The following UTP6 variants were observed in gnomAD, a reference collection of about 807,000 sequenced individuals.
UTP6 encodes UTP6 small subunit processome component, also known as U3 small nucleolar RNA-associated protein 6 homolog.
A neutral mutation model predicts 96.5 loss-of-function variants in UTP6; 60 were observed. That is an observed-to-expected ratio of 0.62 (90% CI 0.51 to 0.77). The LOEUF (loss-of-function observed/expected upper bound fraction) is 0.77, where lower values mean the gene tolerates loss of function less well. UTP6 is among the 30% of genes least tolerant of loss of function. The pLI is 0.00. For missense variants in UTP6, 637 were observed against 706.5 expected, an observed-to-expected ratio of 0.90 and a Z score of 1.12; for synonymous variants, 215 against 240.1, an observed-to-expected ratio of 0.90 and a Z score of 0.96.
Position 31,894,734 on chromosome 17 carries a change from T to G in UTP6, c.223A>C (p.Ile75Leu). The change falls in exon 4 of 19, where the codon ATT becomes CTT. Residue 75 changes from isoleucine (I) to leucine (L), a missense_variant. Physicochemically the swap from Ile to Leu is conservative, Grantham distance 5. Coordinates refer to ENST00000261708, the MANE Select transcript of UTP6 (RefSeq NM_018428.3). ...TCATCCTTCTTAAATGAATATCCAA[T>G]GCGCTAAAGGGGGACATAAAAAAAC... Reference protein sequence around the residue: ...LELIQRRRTRIGYSFKKDEIE... With the variant: ...LELIQRRRTRLGYSFKKDEIE... 1 of 1,608,260 alleles carries G rather than the reference T, an allele frequency of 6.2e-7. No individual in the cohort carries two copies. Among genetic ancestry groups the G allele is most frequent in the Non-Finnish European group, 8.5e-7 (1 of 1,176,544 alleles).
chr17:31,900,142 CA>C (rs934899867), intron 1 of UTP6, among the ~76,000 whole-genome samples: 36 of 143,268 alleles, frequency 2.5e-4, no homozygotes, highest in Non-Finnish European at 2.8e-4. Flanking sequence ...GACTCCATCT[CA>C]AAAAAAAAAA....
intron 2 of UTP6, 92 bp from the exon 3 acceptor site, chr17:31,895,103 T>C (rs1275563555): frequency 7.3e-6 from 7 of 954,012 alleles, no homozygotes; most frequent in Non-Finnish European, 1.1e-5. Context: ...AAAACAAAAA[T>C]CGAGAATATA....
At chr17:31,865,656 T>C (rs532454732) in intron 17 of UTP6, among the ~76,000 whole-genome samples, 1 of 152,294 alleles carries the variant, frequency 6.6e-6, no homozygotes, top group East Asian at 1.9e-4. Context: ...TGTAGTAGCA[T>C]GGAGAAAAGT....
intron 13 of UTP6, among the ~76,000 whole-genome samples, chr17:31,876,227 G>C (rs1202377592): frequency 6.6e-6 from 1 of 151,774 alleles, no homozygotes; most frequent in East Asian, 2.0e-4. Context: ...AGTAGAAATG[G>C]GGTTTCACCA....
chr17:31,865,254 C>A, intron 18 of UTP6, 112 bp downstream of exon 18: 1 of 1,047,312 alleles, frequency 9.5e-7, no homozygotes, highest in South Asian at 1.4e-5. Context: ...CTCAGGTGAT[C>A]CGCCTGCCTT....
Position 31,892,848 on chromosome 17 carries a change from C to T in UTP6, c.313-54G>A, listed in dbSNP as rs1176968957. ...CCAAATTTGACCTTTACATATAATA[C>T]ACCTTTGCATTAATTAATTTTGCTA... On this transcript the variant is annotated intron_variant, in intron 4 of 18. Coordinates refer to ENST00000261708, the MANE Select transcript of UTP6 (RefSeq NM_018428.3). 7 of 1,605,890 alleles carry T rather than the reference C, an allele frequency of 4.4e-6. No homozygotes were observed. In the South Asian group the frequency reaches 5.5e-5, roughly 13 times the overall value.
intron 13 of UTP6, among the ~76,000 whole-genome samples, chr17:31,877,399 T>C (rs1368986204): frequency 6.6e-6 from 1 of 152,198 alleles, no homozygotes; most frequent in Non-Finnish European, 1.5e-5. Flanking sequence ...CTAGATTCAA[T>C]AGTGAACAAA....
chr17:31,893,430 C>CAAAAAA (rs1295621293), intron 4 of UTP6, among the ~76,000 whole-genome samples: 3 of 50,608 alleles, frequency 5.9e-5, no homozygotes, highest in Admixed American at 2.2e-4. Flanking sequence ...GACTCCACCT[C>CAAAAAA]AAAAAAAAAA....
At chr17:31,883,825 C>T (rs994795570) in intron 10 of UTP6, among the ~76,000 whole-genome samples, 1 of 151,538 alleles carries the variant, frequency 6.6e-6, no homozygotes, top group African/African-American at 2.4e-5. Context: ...CACAGGCATG[C>T]ACCACCACAC....
At chr17:31,864,539 C>G (rs538550888) in intron 18 of UTP6, among the ~76,000 whole-genome samples, 1 of 152,192 alleles carries the variant, frequency 6.6e-6, no homozygotes, top group African/African-American at 2.4e-5. Context: ...TAGCATCTCA[C>G]GTTTACCCCT....
At chr17:31,896,883 G>A (rs959065155) in intron 2 of UTP6, among the ~76,000 whole-genome samples, 1 of 151,994 alleles carries the variant, frequency 6.6e-6, no homozygotes, top group Admixed American at 6.6e-5. Flanking sequence ...CGATCTGCCT[G>A]TCTCACACGT....
rs775987500 is a variant in UTP6, at chr17:31,884,505, C to T, written c.704G>A (p.Gly235Asp). ...AAGCAGTGACACGTGAAATTCTGCA[C>T]CTAAATTTAAAAAGCAGGGGAGGGG... ...IYKNSVSIIK[G>D]AEFHVSLLSI... The change falls in exon 10 of 19, where the codon GGT (glycine) becomes GAT (aspartate). Residue 235 changes from glycine to aspartate, a missense_variant and splice_region_variant. Coordinates refer to ENST00000261708, the MANE Select transcript of UTP6 (RefSeq NM_018428.3). 2.5e-6 allele frequency: 4 copies of T among 1,608,732 alleles called. No individual in the cohort carries two copies. The highest frequency in any genetic ancestry group is 1.7e-4 in the Middle Eastern group (1 of 6,016).
chr17:31,878,801 T>G lies in UTP6; in HGVS notation c.968-20A>C, dbSNP rs1317905736. 4 of 1,610,240 alleles carry G rather than the reference T, an allele frequency of 2.5e-6. No individual in the cohort carries two copies. Among genetic ancestry groups the G allele is most frequent in the Non-Finnish European group, 3.4e-6 (4 of 1,177,306 alleles). The stretch of plus-strand genomic sequence containing the variant: ...TGGCCTCTGGAAAAGTCAGAAAGAT[T>G]GTGTTGATCAGATCACTTAGTTCAA... On this transcript the variant is annotated intron_variant, in intron 11 of 18. Coordinates refer to ENST00000261708, the MANE Select transcript of UTP6 (RefSeq NM_018428.3).
At chr17:31,886,311 C>T (rs1266058811) in intron 8 of UTP6, among the ~76,000 whole-genome samples, 2 of 152,198 alleles carry the variant, frequency 1.3e-5, no homozygotes, top group African/African-American at 4.8e-5. Context: ...TCCATTTGGA[C>T]CAAAACAGGT....
chr17:31,869,100 G>T (rs981842474), intron 16 of UTP6, among the ~76,000 whole-genome samples: 1 of 152,270 alleles, frequency 6.6e-6, no homozygotes, highest in Non-Finnish European at 1.5e-5. Context: ...GACAGAGTGA[G>T]ACTCCATCTC....
At chr17:31,864,218 C>T (rs753277452) in intron 18 of UTP6, among the ~76,000 whole-genome samples, 1 of 152,038 alleles carries the variant, frequency 6.6e-6, no homozygotes, top group Non-Finnish European at 1.5e-5. Context: ...AACTCCATCT[C>T]GACTGAAAAT....
At chr17:31,879,283 G>A (rs913670361) in intron 11 of UTP6, among the ~76,000 whole-genome samples, 5 of 151,900 alleles carry the variant, frequency 3.3e-5, no homozygotes, top group South Asian at 2.1e-4. Flanking sequence ...CCAGCTACTC[G>A]GGAGGCTGAG....
At chr17:31,872,928 A>C (rs1217362564) in intron 16 of UTP6, among the ~76,000 whole-genome samples, 2 of 135,524 alleles carry the variant, frequency 1.5e-5, no homozygotes, top group Non-Finnish European at 3.1e-5. Context: ...TCAAAAAAAC[A>C]AAAAAAAAAC....
In UTP6 at chr17:31,899,733, G is replaced by A. The variant is rs1031602203; in HGVS notation, c.93-3C>T. ...CGGAAGCCTTCTTAATGATAGCCCT[G>A]AGGAGAAAGCCATTTAAACTTCACT... On this transcript the variant is annotated splice_polypyrimidine_tract_variant and splice_region_variant and intron_variant, in intron 1 of 18. Transcript: ENST00000261708. 6.4e-7 allele frequency: 1 copy of A among 1,568,298 alleles called. No homozygotes were observed. The highest frequency in any genetic ancestry group is 8.6e-7 in the Non-Finnish European group (1 of 1,159,316).
Sources: gnomAD v4.1 joint callset for allele counts (sites outside exome capture counted in the v4.1 genomes callset) on GRCh38, gnomAD v4.1.1 for gene constraint, MANE v1.5 for transcripts, NCBI Gene and HGNC (gene_info 2026-07-23, HGNC 2026-07-21) for gene names.